CADM2: variants seen among roughly 807,000 people sequenced by gnomAD.
CADM2 encodes cell adhesion molecule 2.
CADM2 carries 12 observed loss-of-function variants against 49.8 expected under a neutral mutation model. The observed-to-expected ratio is 0.24, with a 90% CI of 0.15 to 0.39. CADM2 has a LOEUF of 0.39. CADM2 is among the 10% of genes least tolerant of loss of function. The pLI, the probability that CADM2 is intolerant of heterozygous loss-of-function variation, is 1.00. For missense variants in CADM2, 378 were observed against 492.3 expected (o/e 0.77, Z 2.20); for synonymous variants, 214 against 175.4 (o/e 1.22, Z -1.74).
intron 1 of CADM2, among the ~76,000 whole-genome samples, chr3:85,330,820 CACGGTGGTGT>C (rs1178357371): frequency 6.7e-6 from 1 of 148,622 alleles, no homozygotes; most frequent in African/African-American, 2.5e-5. Flanking sequence ...AATAGCTCGG[CACGGTGGTGT>C]GTGTGCCTGT....
chr3:85,588,432 C>A (rs942077204), intron 1 of CADM2, among the ~76,000 whole-genome samples: 1 of 152,016 alleles, frequency 6.6e-6, no homozygotes. Context: ...GGGAGGAATG[C>A]AAGCAAGCAG....
chr3:86,026,732 G>A lies in CADM2; in HGVS notation c.971-38873G>A, dbSNP rs188227511. ...TGATACAAGAGGAGAATTATAGCAC[G>A]TAACCACTCCGTGTTGGTGTGATTG... On this transcript the variant is annotated intron_variant, in intron 8 of 9. Transcript: ENST00000383699. 1.4e-3 allele frequency among the ~76,000 whole-genome samples: 218 copies of A among 152,208 alleles called. 1 individual carries two copies. The highest frequency in any genetic ancestry group is 4.6e-3 in the African/African-American group (193 of 41,548).
At chr3:85,278,412 T>G (rs1359975048) in intron 1 of CADM2, among the ~76,000 whole-genome samples, 1 of 151,446 alleles carries the variant, frequency 6.6e-6, no homozygotes, top group Non-Finnish European at 1.5e-5. Context: ...CAGGACGCTG[T>G]GCAAAACCTT....
intron 1 of CADM2, among the ~76,000 whole-genome samples, chr3:85,270,164 A>G (rs1462623247): frequency 6.6e-6 from 1 of 151,344 alleles, no homozygotes; most frequent in Non-Finnish European, 1.5e-5. Flanking sequence ...GACCTGAGAT[A>G]AAATATTTTA....
At chr3:85,706,646 A>G (rs1372621401) in intron 1 of CADM2, among the ~76,000 whole-genome samples, 4 of 152,192 alleles carry the variant, frequency 2.6e-5, no homozygotes, top group African/African-American at 4.8e-5. Flanking sequence ...AGAACTGATG[A>G]CAGCTCTAAC....
At chr3:85,853,408 G>C (rs2075181085) in intron 3 of CADM2, among the ~76,000 whole-genome samples, 1 of 151,974 alleles carries the variant, frequency 6.6e-6, no homozygotes, top group African/African-American at 2.4e-5. Flanking sequence ...CAGTTTTTAA[G>C]TTTTTAAACA....
At chr3:85,880,338 T>C (rs1712554581) in intron 3 of CADM2, among the ~76,000 whole-genome samples, 1 of 152,194 alleles carries the variant, frequency 6.6e-6, no homozygotes, top group Admixed American at 6.5e-5. Context: ...TTTAATAATC[T>C]TATATTTGAA....
intron 1 of CADM2, among the ~76,000 whole-genome samples, chr3:85,657,775 TAC>T (rs142501145): frequency 0.021 from 1,770 of 85,750 alleles, 51 homozygotes; most frequent in South Asian, 0.13. Flanking sequence ...TATATATATA[TAC>T]ATATACATGT....
chr3:85,526,482 G>A (rs575045318), intron 1 of CADM2, among the ~76,000 whole-genome samples: 8 of 152,108 alleles, frequency 5.3e-5, no homozygotes, highest in Non-Finnish European at 7.4e-5. Context: ...AAACAAAAGC[G>A]TAATGCTATG....
intron 1 of CADM2, among the ~76,000 whole-genome samples, chr3:85,378,281 G>A (rs994985562): frequency 2.0e-5 from 3 of 152,014 alleles, no homozygotes; most frequent in East Asian, 1.9e-4. Context: ...TAAGCCACTC[G>A]TATATTTATC....
At chr3:85,617,167 G>A (rs940607989) in intron 1 of CADM2, among the ~76,000 whole-genome samples, 3 of 152,056 alleles carry the variant, frequency 2.0e-5, no homozygotes, top group Non-Finnish European at 4.4e-5. Context: ...ATAGGTTGAA[G>A]GGTCAGTCCC....
intron 1 of CADM2, among the ~76,000 whole-genome samples, chr3:85,607,430 C>A (rs1306874194): frequency 6.6e-6 from 1 of 151,892 alleles, no homozygotes; most frequent in African/African-American, 2.4e-5. Context: ...AAGAGAGATG[C>A]TTAGAGAATC....
At chr3:85,814,486 C>CA (rs2073083265) in intron 3 of CADM2, among the ~76,000 whole-genome samples, 1 of 151,908 alleles carries the variant, frequency 6.6e-6, no homozygotes, top group African/African-American at 2.4e-5. Flanking sequence ...CAAACAAATT[C>CA]AAAAACTAGC....
chr3:85,711,960 G>T (rs1303180636), intron 1 of CADM2, among the ~76,000 whole-genome samples: 1 of 152,162 alleles, frequency 6.6e-6, no homozygotes, highest in Non-Finnish European at 1.5e-5. Context: ...TACCTGTAGC[G>T]TAGTATGATG....
chr3:85,879,748 A>T (rs1712461031), intron 3 of CADM2, among the ~76,000 whole-genome samples: 1 of 152,212 alleles, frequency 6.6e-6, no homozygotes, highest in African/African-American at 2.4e-5. Flanking sequence ...GAACAGCTGT[A>T]AAGCTATGAA....
chr3:85,419,394 C>T (rs945074049), intron 1 of CADM2, among the ~76,000 whole-genome samples: 3 of 151,730 alleles, frequency 2.0e-5, no homozygotes, highest in African/African-American at 7.3e-5. Context: ...GGAGGCGGAG[C>T]TTGCAGTGAG....
chr3:85,837,419 A>G (rs1211872220), intron 3 of CADM2, among the ~76,000 whole-genome samples: 1 of 151,662 alleles, frequency 6.6e-6, no homozygotes, highest in African/African-American at 2.4e-5. Context: ...ATTAGGGGGA[A>G]AAAAACAGTT....
chr3:85,379,353 AG>A (rs1472049550), intron 1 of CADM2, among the ~76,000 whole-genome samples: 1 of 151,992 alleles, frequency 6.6e-6, no homozygotes, highest in Non-Finnish European at 1.5e-5. Context: ...TGTAGAGTTT[AG>A]ATGAAGGTAA....
chr3:85,421,250 T>C (rs1268748234), intron 1 of CADM2, among the ~76,000 whole-genome samples: 2 of 152,192 alleles, frequency 1.3e-5, no homozygotes, highest in Non-Finnish European at 2.9e-5. Context: ...TATACCCTAA[T>C]TTTGTATTTA....
Sources: allele counts gnomAD v4.1 joint callset (sites outside exome capture counted in the v4.1 genomes callset), GRCh38; gene constraint gnomAD v4.1.1; transcripts MANE v1.5; gene names NCBI Gene and HGNC (gene_info 2026-07-23, HGNC 2026-07-21).